Variants in ZC3H12B observed in about 807,000 individuals in gnomAD.
ZC3H12B encodes the protein zinc finger CCCH-type containing 12B.
A neutral mutation model predicts 43.9 loss-of-function variants in ZC3H12B; 7 were observed. That is an observed-to-expected ratio of 0.16 (90% CI 0.09 to 0.30). The LOEUF (loss-of-function observed/expected upper bound fraction) is 0.30, where lower values mean the gene tolerates loss of function less well. Among genes scored for constraint, ZC3H12B ranks in the 10% least tolerant of loss-of-function variants. ZC3H12B has a pLI of 1.00. For missense variants in ZC3H12B, 475 were observed against 670.2 expected (o/e 0.71, Z 3.22); for synonymous variants, 222 against 241.7 (o/e 0.92, Z 0.76).
chrX:65,090,373 A>G, the ZC3H12B span, among the ~76,000 whole-genome samples: 2 of 111,939 alleles, frequency 1.8e-5, no homozygotes, highest in African/African-American at 6.5e-5. Flanking sequence ...CTCTTGTCTC[A>G]TATTCTGCAC....
At chrX:65,203,391 G>A in the ZC3H12B span, among the ~76,000 whole-genome samples, 2 of 111,495 alleles carry the variant, frequency 1.8e-5, no homozygotes, top group East Asian at 2.8e-4. Flanking sequence ...TGCAAGTACT[G>A]CCTGGTTATT....
chrX:65,346,586 C>G, the ZC3H12B span, among the ~76,000 whole-genome samples: 3 of 112,195 alleles, frequency 2.7e-5, no homozygotes, highest in Non-Finnish European at 3.8e-5. Flanking sequence ...ACCAAGTCCT[C>G]AAAAGCAATT....
chrX:65,064,790 G>A, the ZC3H12B span, among the ~76,000 whole-genome samples: 176 of 111,587 alleles, frequency 1.6e-3, 3 homozygotes, highest in Middle Eastern at 4.6e-3. Context: ...TCTCTTTTTC[G>A]TTCTCTTAGA....
intron 3 of ZC3H12B, among the ~76,000 whole-genome samples, chrX:65,423,173 C>T (rs143597559): frequency 0.016 from 1,819 of 110,352 alleles, 38 homozygotes; most frequent in African/African-American, 0.055. Flanking sequence ...CCTTGTGATC[C>T]GCATGCCTCG....
At chrX:65,105,025 C>T in the ZC3H12B span, among the ~76,000 whole-genome samples, 8 of 111,566 alleles carry the variant, frequency 7.2e-5, no homozygotes, top group African/African-American at 2.6e-4. Context: ...CAATGATAGA[C>T]TGGATAAAGA....
At chrX:65,401,095 A>T (rs1252620127) in intron 3 of ZC3H12B, among the ~76,000 whole-genome samples, 1 of 110,659 alleles carries the variant, frequency 9.0e-6, no homozygotes, top group African/African-American at 3.3e-5. Flanking sequence ...AAAAAAAAAA[A>T]AACACCTTCA....
the ZC3H12B span, among the ~76,000 whole-genome samples, chrX:65,205,604 T>A: frequency 9.0e-6 from 1 of 111,494 alleles, no homozygotes; most frequent in Non-Finnish European, 1.9e-5. Flanking sequence ...GCATTCCCCC[T>A]GAAAACTGGA....
the ZC3H12B span, among the ~76,000 whole-genome samples, chrX:65,324,881 A>G: frequency 2.7e-5 from 3 of 109,712 alleles, no homozygotes; most frequent in Non-Finnish European, 5.7e-5. Flanking sequence ...TGATAATTAT[A>G]GAAAGTAGGG....
At chrX:65,200,868 C>T in the ZC3H12B span, among the ~76,000 whole-genome samples, 1 of 111,723 alleles carries the variant, frequency 9.0e-6, no homozygotes, top group African/African-American at 3.3e-5. Flanking sequence ...ATTGAACCAA[C>T]CTTGCATCAA....
chrX:65,229,883 C>G, the ZC3H12B span, among the ~76,000 whole-genome samples: 5 of 110,407 alleles, frequency 4.5e-5, no homozygotes, highest in African/African-American at 1.6e-4. Flanking sequence ...AGTCAGGAAA[C>G]AACAGGTGCT....
the ZC3H12B span, among the ~76,000 whole-genome samples, chrX:65,151,253 C>T: frequency 2.8e-4 from 31 of 111,644 alleles, no homozygotes; most frequent in South Asian, 7.4e-4. Flanking sequence ...AAAAATTTTT[C>T]CATTCAAAAT....
chrX:65,228,791 A>C, the ZC3H12B span, among the ~76,000 whole-genome samples: 2 of 112,040 alleles, frequency 1.8e-5, no homozygotes, highest in African/African-American at 3.2e-5. Context: ...CAATTGCTTC[A>C]AAGAGAATAA....
At chrX:65,309,171 A>C in the ZC3H12B span, among the ~76,000 whole-genome samples, 5 of 110,582 alleles carry the variant, frequency 4.5e-5, no homozygotes, top group East Asian at 1.4e-3. Context: ...AAACACAAAA[A>C]AAAAAACCCT....
At chrX:65,053,893 G>T in the ZC3H12B span, among the ~76,000 whole-genome samples, 7 of 111,243 alleles carry the variant, frequency 6.3e-5, no homozygotes, top group Non-Finnish European at 7.6e-5. Context: ...TCTTTTGGCT[G>T]CATAAATGTC....
the ZC3H12B span, among the ~76,000 whole-genome samples, chrX:65,111,897 C>T: frequency 1.2e-4 from 13 of 111,219 alleles, no homozygotes; most frequent in African/African-American, 3.9e-4. Context: ...GACACAATGG[C>T]CTCTAAATGT....
At chrX:65,190,567 A>G in the ZC3H12B span, among the ~76,000 whole-genome samples, 1 of 105,664 alleles carries the variant, frequency 9.5e-6, no homozygotes, top group African/African-American at 3.5e-5. Flanking sequence ...GCAATTGTGA[A>G]TGGGAGTTCA....
chrX:65,116,315 C>T, the ZC3H12B span, among the ~76,000 whole-genome samples: 2 of 111,371 alleles, frequency 1.8e-5, no homozygotes, highest in African/African-American at 6.5e-5. Context: ...GTCCTTTCTT[C>T]ACTTTACGTT....
chrX:65,294,245 C>T, the ZC3H12B span, among the ~76,000 whole-genome samples: 10 of 111,410 alleles, frequency 9.0e-5, no homozygotes, highest in South Asian at 3.7e-4. Flanking sequence ...ATTTTGTATT[C>T]GGCAAAACTA....
chrX:65,065,970 C>T, the ZC3H12B span, among the ~76,000 whole-genome samples: 1 of 107,160 alleles, frequency 9.3e-6, no homozygotes, highest in Non-Finnish European at 1.9e-5. Flanking sequence ...ACAAAGTCCT[C>T]GTTCTGTGTT....
Sources: gnomAD v4.1 joint callset for allele counts (sites outside exome capture counted in the v4.1 genomes callset) on GRCh38, gnomAD v4.1.1 for gene constraint, MANE v1.5 for transcripts, NCBI Gene and HGNC (gene_info 2026-07-23, HGNC 2026-07-21) for gene names.